The following AKAP6 variants were observed in gnomAD, a reference collection of about 807,000 sequenced individuals.
AKAP6 encodes the protein A-kinase anchor protein 6.
In AKAP6, 58 loss-of-function variants were observed where a neutral mutation model predicts 188.5. The observed-to-expected ratio is 0.31, with a 90% confidence interval of 0.25 to 0.38. AKAP6 has a LOEUF of 0.38. Among genes scored for constraint, AKAP6 ranks in the 10% least tolerant of loss-of-function variants. The pLI is 1.00. For missense variants in AKAP6, 2,710 were observed against 2,740.0 expected (o/e 0.99, Z 0.24); for synonymous variants, 989 against 998.6 (o/e 0.99, Z 0.18).
At chr14:32,364,002 A>C (rs1887746003) in intron 1 of AKAP6, among the ~76,000 whole-genome samples, 1 of 152,180 alleles carries the variant, frequency 6.6e-6, no homozygotes, top group African/African-American at 2.4e-5. Flanking sequence ...GGTTTCCCCC[A>C]GTAGACTGTA....
intron 1 of AKAP6, among the ~76,000 whole-genome samples, chr14:32,378,301 A>G (rs1888226504): frequency 6.6e-6 from 1 of 152,220 alleles, no homozygotes; most frequent in African/African-American, 2.4e-5. Context: ...ATTGAAATGG[A>G]AAGTGTTGCA....
chr14:32,784,208 A>G (rs1234648248), intron 12 of AKAP6, among the ~76,000 whole-genome samples: 2 of 152,186 alleles, frequency 1.3e-5, no homozygotes, highest in Non-Finnish European at 2.9e-5. Flanking sequence ...GAATTGGTTG[A>G]CCACTGATAG....
intron 9 of AKAP6, among the ~76,000 whole-genome samples, chr14:32,725,013 A>AAAAAAAAAAAAAAAAAC: frequency 6.7e-6 from 1 of 150,244 alleles, no homozygotes; most frequent in Non-Finnish European, 1.5e-5. Context: ...AAAAAAAAAA[A>AAAAAAAAAAAAAAAAAC]AAAACAATTT....
At chr14:32,613,383 ATGAT>A (rs1886432267) in intron 7 of AKAP6, among the ~76,000 whole-genome samples, 1 of 152,220 alleles carries the variant, frequency 6.6e-6, no homozygotes, top group African/African-American at 2.4e-5. Context: ...AGACTAGAAA[ATGAT>A]TAGTTAAGCT....
chr14:32,356,144 A>G (rs73256761), intron 1 of AKAP6, among the ~76,000 whole-genome samples: 1,747 of 152,280 alleles, frequency 0.011, 32 homozygotes, highest in African/African-American at 0.04. Flanking sequence ...AATAATTGAG[A>G]GAAATTTTAG....
chr14:32,818,333 C>CCA (rs113762900), intron 12 of AKAP6, among the ~76,000 whole-genome samples: 2,322 of 151,454 alleles, frequency 0.015, 53 homozygotes, highest in African/African-American at 0.051. Flanking sequence ...TCCTTCCCCA[C>CCA]CACACACACA....
chr14:32,783,431 G>A (rs8018776), intron 12 of AKAP6, among the ~76,000 whole-genome samples: 148,854 of 152,210 alleles, frequency 0.98, 72,874 homozygotes, highest in Middle Eastern at 1. Flanking sequence ...TTATATCAAA[G>A]CATAAAATTT....
chr14:32,630,800 G>T (rs185419007), intron 7 of AKAP6, among the ~76,000 whole-genome samples: 55 of 152,012 alleles, frequency 3.6e-4, no homozygotes, highest in Admixed American at 9.2e-4. Flanking sequence ...AGTAATAGAT[G>T]CTCATTGAAG....
At chr14:32,582,517 A>T (rs1885024018) in intron 5 of AKAP6, among the ~76,000 whole-genome samples, 1 of 151,924 alleles carries the variant, frequency 6.6e-6, no homozygotes, top group Non-Finnish European at 1.5e-5. Flanking sequence ...CGTTCTCTGT[A>T]TTTCCTGAAT....
chr14:32,797,529 G>T (rs909356759), intron 12 of AKAP6, among the ~76,000 whole-genome samples: 1 of 152,142 alleles, frequency 6.6e-6, no homozygotes, highest in Non-Finnish European at 1.5e-5. Context: ...ACCAAACATT[G>T]CATGTTCTTA....
intron 13 of AKAP6, among the ~76,000 whole-genome samples, chr14:32,825,486 G>A (rs965236908): frequency 7.2e-5 from 11 of 152,270 alleles, no homozygotes; most frequent in Non-Finnish European, 1.0e-4. Flanking sequence ...AGTTAATGGC[G>A]TTTTGATAAA....
intron 12 of AKAP6, among the ~76,000 whole-genome samples, chr14:32,776,418 T>C (rs1270306113): frequency 2.0e-5 from 3 of 152,218 alleles, no homozygotes; most frequent in South Asian, 4.1e-4. Context: ...ATGTGCCTTT[T>C]GCCTTCCACC....
rs55702209 is a variant in AKAP6, at chr14:32,404,691, G to GATATAT, written c.-34-28754_-34-28749dup. Among the ~76,000 whole-genome samples the GATATAT allele has an allele frequency of 1.9e-3, 85 of 44,430 alleles. 10 individuals carry two copies. The highest frequency in any genetic ancestry group is 0.015 in the East Asian group (14 of 938). 29.1% of individuals were successfully genotyped at this position (44,430 alleles called of 152,430 possible). ...AGAGTGGGGTTATGAGGAGTCAGGA[G>GATATAT]ATATATATATATATATATATTAGTC... is the stretch of plus-strand genomic sequence containing the variant. On this transcript the variant is annotated intron_variant, in intron 1 of 13. Coordinates refer to ENST00000280979, the MANE Select transcript of AKAP6 (RefSeq NM_004274.5).
intron 12 of AKAP6, among the ~76,000 whole-genome samples, chr14:32,803,103 T>C (rs536902700): frequency 6.6e-6 from 1 of 152,130 alleles, no homozygotes; most frequent in South Asian, 2.1e-4. Flanking sequence ...AAAGATTTTT[T>C]AGATCTGTCT....
chr14:32,379,940 C>G (rs1474934549), intron 1 of AKAP6, among the ~76,000 whole-genome samples: 2 of 152,208 alleles, frequency 1.3e-5, no homozygotes, highest in Non-Finnish European at 2.9e-5. Context: ...CTCTCTGTCT[C>G]TGTCTCATCT....
At chr14:32,482,003 G>A (rs1251267981) in intron 2 of AKAP6, among the ~76,000 whole-genome samples, 15 of 152,090 alleles carry the variant, frequency 9.9e-5, no homozygotes, top group Non-Finnish European at 2.1e-4. Flanking sequence ...AAATTGAAGG[G>A]CCTTCTTGGT....
intron 5 of AKAP6, among the ~76,000 whole-genome samples, chr14:32,589,883 A>G (rs1383542695): frequency 6.6e-6 from 1 of 152,146 alleles, no homozygotes; most frequent in Non-Finnish European, 1.5e-5. Flanking sequence ...GCTGAAGGAC[A>G]CTGTGCATGG....
rs1016573866 is a variant in AKAP6, at chr14:32,832,136, T to C, written c.*2331T>C. The C allele has an allele frequency of 1.2e-4, 18 of 152,152 alleles. No individual in the cohort carries two copies. The highest frequency in any genetic ancestry group is 4.1e-4 in the African/African-American group (17 of 41,498). 9.4% of individuals were successfully genotyped at this position (152,152 alleles called of 1,614,324 possible). A position where few individuals can be genotyped will look rare whatever the true frequency, so the allele number is the denominator to read the frequency against. ...CTAGTTGCAGTGTTCAAGAGGATTA[T>C]GGGGGAAAGAGATTAGAGATAATTG... On this transcript the variant is annotated 3_prime_UTR_variant, in exon 14 of 14. Coordinates refer to ENST00000280979, the MANE Select transcript of AKAP6 (RefSeq NM_004274.5).
At chr14:32,341,398 A>G (rs1886885201) in intron 1 of AKAP6, among the ~76,000 whole-genome samples, 1 of 152,230 alleles carries the variant, frequency 6.6e-6, no homozygotes, top group African/African-American at 2.4e-5. Flanking sequence ...ATGGCCAAAT[A>G]TTAACAGTTT....
Sources: allele counts gnomAD v4.1 joint callset (sites outside exome capture counted in the v4.1 genomes callset), GRCh38; gene constraint gnomAD v4.1.1; transcripts MANE v1.5; gene names NCBI Gene and HGNC (gene_info 2026-07-23, HGNC 2026-07-21).